Variants in NRL observed in about 807,000 individuals in gnomAD.
NRL encodes the protein neural retina leucine zipper.
A neutral mutation model predicts 12.5 loss-of-function variants in NRL; 16 were observed. The observed-to-expected ratio is 1.28, with a 90% CI of 0.87 to 1.95. The LOEUF (loss-of-function observed/expected upper bound fraction) is 1.95, where lower values mean the gene tolerates loss of function less well. Among genes scored for constraint, NRL ranks in the 30% most tolerant of loss-of-function variants. NRL has a pLI of 0.00. For missense variants in NRL, 314 were observed against 325.8 expected (o/e 0.96, Z 0.28); for synonymous variants, 142 against 150.9 (o/e 0.94, Z 0.43).
At chr14:24,092,348 A>G (rs1189988595) in intron 1 of NRL, among the ~76,000 whole-genome samples, 1 of 152,230 alleles carries the variant, frequency 6.6e-6, no homozygotes, top group Non-Finnish European at 1.5e-5. Flanking sequence ...TACAATTCCA[A>G]AGGTCCTGGC....
At position 24,094,697 on chromosome 14, in the gene NRL, A is replaced by G; in HGVS notation, c.-27-11822T>C. On this transcript the variant is annotated intron_variant, in intron 1 of 2. Coordinates refer to ENST00000561028, the MANE Select transcript of NRL (RefSeq NM_001354768.3). This position sits in a 1 kb window ranked among gnomAD's most constrained non-coding sequence, Gnocchi z 4.1. ...CGCGCGATCTCTATCTGCCACTCTC[A>G]GAACTTCCTCTCTCTCCTCGCTCCT... The G allele has an allele frequency of 6.6e-7, 1 of 1,519,040 alleles. No homozygotes were observed. Among genetic ancestry groups the G allele is most frequent in the East Asian group, 2.5e-5 (1 of 39,756 alleles). 94.1% of individuals were successfully genotyped at this position (1,519,040 alleles called of 1,614,324 possible). A position where few individuals can be genotyped will look rare whatever the true frequency, so the allele number is the denominator to read the frequency against.
chr14:24,091,778 A>G (rs1246418908), intron 1 of NRL, among the ~76,000 whole-genome samples: 1 of 152,012 alleles, frequency 6.6e-6, no homozygotes, highest in Non-Finnish European at 1.5e-5. Flanking sequence ...AGAACATTTC[A>G]TTCATAATAG....
intron 1 of NRL, among the ~76,000 whole-genome samples, chr14:24,106,244 G>T (rs961078775): frequency 1.5e-4 from 23 of 152,206 alleles, no homozygotes; most frequent in African/African-American, 5.1e-4. Flanking sequence ...TAGTGTGGTA[G>T]TCTTTACCCA....
At chr14:24,082,417 GTCCTCCT>G (rs769382178) in intron 2 of NRL, 44 bp downstream of exon 2, 2 of 1,609,276 alleles carry the variant, frequency 1.2e-6, no homozygotes, top group Non-Finnish European at 1.7e-6. Context: ...CTCTTGGGCA[GTCCTCCT>G]TCCTTGCCCT....
chr14:24,104,799 C>T (rs527353426), intron 1 of NRL, among the ~76,000 whole-genome samples: 9 of 152,304 alleles, frequency 5.9e-5, no homozygotes, highest in South Asian at 4.1e-4. Context: ...TGTCAGTTCT[C>T]GAATTTGTTC....
In NRL at chr14:24,110,132, T is replaced by C. The variant is rs530384530; in HGVS notation, c.-28+4590A>G. ...GGTATTATTATACTTTTTTTTTTTT[T>C]CTTTGAGACGGGGTCTCATTCTCGC... On this transcript the variant is annotated intron_variant, in intron 1 of 2. Coordinates refer to ENST00000561028, the MANE Select transcript of NRL (RefSeq NM_001354768.3). Among the ~76,000 whole-genome samples the C allele has an allele frequency of 1.5e-3, 228 of 152,120 alleles. 1 individual carries two copies. The highest frequency in any genetic ancestry group is 5.3e-3 in the African/African-American group (221 of 41,510).
intron 1 of NRL, chr14:24,100,043 CT>C (rs747133397): frequency 5.6e-6 from 9 of 1,613,734 alleles, no homozygotes; most frequent in Non-Finnish European, 5.9e-6. Flanking sequence ...GGGGTTGCCC[CT>C]GGTACCTCTG....
intron 1 of NRL, among the ~76,000 whole-genome samples, chr14:24,113,152 T>A (rs1321264248): frequency 1.2e-5 from 1 of 85,376 alleles, no homozygotes; most frequent in Admixed American, 1.3e-4. Flanking sequence ...CACCGCATAT[T>A]CTCACTCATA....
At chr14:24,113,047 C>G (rs1372914872) in intron 1 of NRL, among the ~76,000 whole-genome samples, 7 of 12,038 alleles carry the variant, frequency 5.8e-4, no homozygotes, top group Non-Finnish European at 8.5e-4. Flanking sequence ...TACTATGCAG[C>G]CATAAAAAAT....
Position 24,085,992 on chromosome 14 carries a change from G to A in NRL, c.-27-3117C>T, listed in dbSNP as rs951554818. Among the ~76,000 whole-genome samples the A allele has an allele frequency of 1.3e-5, 2 of 152,160 alleles. No individual in the cohort carries two copies. Among genetic ancestry groups the A allele is most frequent in the South Asian group, 2.1e-4 (1 of 4,828 alleles). Reference sequence around the variant, plus strand: ...AGCATTTTGGGAGGCCAAGGTGGGCGGATCACTTGAGGTCAGGAGTTCAAG... The same window carrying A: ...AGCATTTTGGGAGGCCAAGGTGGGCAGATCACTTGAGGTCAGGAGTTCAAG... On this transcript the variant is annotated intron_variant, in intron 1 of 2. Coordinates refer to ENST00000561028, the MANE Select transcript of NRL (RefSeq NM_001354768.3). The surrounding 1 kb of genome is among the most constrained non-coding windows in gnomAD (Gnocchi z 4.1).
At chr14:24,095,188 G>A (rs901078635) in intron 1 of NRL, 1 of 455,910 alleles carries the variant, frequency 2.2e-6, no homozygotes, top group Non-Finnish European at 4.4e-6. Context: ...CGCACAGCCC[G>A]TTCCACTTGG....
rs1360681927 is a variant in NRL, at chr14:24,089,065, A to G, written c.-27-6190T>C. Among the ~76,000 whole-genome samples, 4 of 151,892 alleles carry G rather than the reference A, an allele frequency of 2.6e-5. No individual in the cohort carries two copies. The East Asian group carries it at 7.8e-4, about 29-fold the overall frequency. ...GTGATCCGCCCGCCTCGGCCTCCCA[A>G]AGTGCTGGGATTACAGGCGTGAGCC... On this transcript the variant is annotated intron_variant, in intron 1 of 2. Coordinates refer to ENST00000561028, the MANE Select transcript of NRL (RefSeq NM_001354768.3).
chr14:24,107,998 T>C (rs931874579), intron 1 of NRL, among the ~76,000 whole-genome samples: 4 of 152,262 alleles, frequency 2.6e-5, no homozygotes, highest in Non-Finnish European at 2.9e-5. Context: ...GTTTATTAAA[T>C]TGACCTTATT....
In NRL at chr14:24,098,728, A is replaced by C. The variant is rs1468260330; in HGVS notation, c.-27-15853T>G. ...GGAACACAGAGGCCTTCTTGTACTC[A>C]GAGGAAATCCCAAATCCTACCTCTC... On this transcript the variant is annotated intron_variant, in intron 1 of 2. Coordinates refer to ENST00000561028, the MANE Select transcript of NRL (RefSeq NM_001354768.3). The C allele has an allele frequency of 4.0e-6, 6 of 1,505,462 alleles. No homozygotes were observed. The African/African-American group carries it at 8.3e-5, about 21-fold the overall frequency. 93.3% of individuals were successfully genotyped at this position (1,505,462 alleles called of 1,614,324 possible).
intron 1 of NRL, chr14:24,114,046 G>A (rs1269337329): frequency 4.6e-5 from 7 of 152,642 alleles, no homozygotes; most frequent in African/African-American, 1.7e-4. Flanking sequence ...GAGGGGGCAG[G>A]AGGGGGCAGG....
intron 1 of NRL, chr14:24,098,400 G>A: frequency 3.1e-6 from 5 of 1,610,974 alleles, no homozygotes; most frequent in Non-Finnish European, 4.2e-6. Flanking sequence ...AACCAGGGCA[G>A]GGGCACAGTG....
In NRL at chr14:24,081,261, C is replaced by T; in HGVS notation, c.689G>A (p.Gly230Glu). The T allele has an allele frequency of 6.6e-7, 1 of 1,506,104 alleles. No individual in the cohort carries two copies. The highest frequency in any genetic ancestry group is 8.9e-7 in the Non-Finnish European group (1 of 1,126,030). The allele number at this position is 1,506,104 out of a possible 1,614,324, so 93.3% of individuals were successfully genotyped here. ...DRLTSSGPGSGDPSHLFL is the reference protein window; with the variant it reads ...DRLTSSGPGSEDPSHLFL The stretch of plus-strand genomic sequence containing the variant: ...TCAGAGGAAGAGGTGGGAGGGGTCC[C>T]CGGACCCGGGGCCGCTCGAGGTTAG... Residue 230 changes from glycine to glutamate, a missense_variant, in exon 3 of 3, where the codon GGG becomes GAG. Physicochemically the swap from Gly to Glu is moderately conservative, Grantham distance 98. Transcript: ENST00000561028. The surrounding 1 kb of genome is among the most constrained non-coding windows in gnomAD (Gnocchi z 4.4).
intron 1 of NRL, among the ~76,000 whole-genome samples, chr14:24,111,210 C>T (rs1216722123): frequency 6.6e-6 from 1 of 152,126 alleles, no homozygotes; most frequent in African/African-American, 2.4e-5. Flanking sequence ...GAACTCCTGG[C>T]CACAAATGAT....
In NRL at chr14:24,079,780, G is replaced by A. The variant is rs1206125646; in HGVS notation, c.*1456C>T. 2.6e-5 allele frequency among the ~76,000 whole-genome samples: 4 copies of A among 152,172 alleles called. No homozygotes were observed. Among genetic ancestry groups the A allele is most frequent in the East Asian group, 1.9e-4 (1 of 5,196 alleles). On this transcript the variant is annotated 3_prime_UTR_variant, in exon 3 of 3. Coordinates refer to ENST00000561028, the MANE Select transcript of NRL (RefSeq NM_001354768.3). Reference sequence around the variant, plus strand: ...GTGAGGCGGCTGCTCCCAGCACAACGCCTGTGCTCTGCCCAGAGGCCCCAT... The same window carrying A: ...GTGAGGCGGCTGCTCCCAGCACAACACCTGTGCTCTGCCCAGAGGCCCCAT...
Sources: allele counts gnomAD v4.1 joint callset (sites outside exome capture counted in the v4.1 genomes callset), GRCh38; gene constraint gnomAD v4.1.1; non-coding constraint Gnocchi (gnomAD v3.1); transcripts MANE v1.5; gene names NCBI Gene and HGNC (gene_info 2026-07-23, HGNC 2026-07-21).